Variants in GABRG3 observed in about 807,000 individuals in gnomAD.
GABRG3 encodes gamma-aminobutyric acid receptor subunit gamma-3.
A neutral mutation model predicts 48.8 loss-of-function variants in GABRG3; 25 were observed. The observed-to-expected ratio is 0.51, with a 90% CI of 0.37 to 0.72. GABRG3 has a LOEUF of 0.72. Ranked by LOEUF, GABRG3 falls within the 30% of genes least tolerant of loss-of-function variation. GABRG3 has a pLI of 0.00. For missense variants in GABRG3, 394 were observed against 577.9 expected (o/e 0.68, Z 3.26); for synonymous variants, 227 against 217.6 (o/e 1.04, Z -0.38).
At chr15:27,426,920 A>G (rs557353151) in intron 5 of GABRG3, among the ~76,000 whole-genome samples, 40 of 152,192 alleles carry the variant, frequency 2.6e-4, no homozygotes, top group Non-Finnish European at 5.3e-4. Flanking sequence ...TTTCAGTCCC[A>G]TAAATTTTCC....
chr15:27,479,534 C>T, intron 5 of GABRG3, among the ~76,000 whole-genome samples: 1 of 152,232 alleles, frequency 6.6e-6, no homozygotes, highest in Admixed American at 6.5e-5. Context: ...GGCAGATTGC[C>T]TCTAAGAATT....
intron 3 of GABRG3, among the ~76,000 whole-genome samples, chr15:27,228,565 C>G (rs995257059): frequency 3.3e-5 from 5 of 152,176 alleles, no homozygotes; most frequent in African/African-American, 1.2e-4. Flanking sequence ...ATTTATATTC[C>G]TCTGGGTATA....
At chr15:27,125,453 G>C (rs925931729) in intron 3 of GABRG3, among the ~76,000 whole-genome samples, 1 of 152,154 alleles carries the variant, frequency 6.6e-6, no homozygotes, top group Admixed American at 6.5e-5. Context: ...GTAATTTATT[G>C]CATATTTTCA....
intron 2 of GABRG3, among the ~76,000 whole-genome samples, chr15:27,009,574 C>T (rs1328659003): frequency 6.6e-6 from 1 of 152,200 alleles, no homozygotes; most frequent in South Asian, 2.1e-4. Context: ...ACTTAGTGAG[C>T]CTACTGCTAA....
intron 3 of GABRG3, among the ~76,000 whole-genome samples, chr15:27,207,538 C>G (rs540399789): frequency 6.6e-6 from 1 of 152,160 alleles, no homozygotes; most frequent in Non-Finnish European, 1.5e-5. Context: ...AAAATACAGC[C>G]TCTAGTGGAA....
chr15:27,400,549 A>G (rs1255306866), intron 5 of GABRG3, among the ~76,000 whole-genome samples: 1 of 152,206 alleles, frequency 6.6e-6, no homozygotes, highest in Non-Finnish European at 1.5e-5. Flanking sequence ...GTTTTAAATG[A>G]TATTTAAGAA....
intron 3 of GABRG3, among the ~76,000 whole-genome samples, chr15:27,078,032 CACAG>C (rs1203454949): frequency 6.6e-6 from 1 of 152,230 alleles, no homozygotes; most frequent in Non-Finnish European, 1.5e-5. Flanking sequence ...TGGCTGGACA[CACAG>C]ACGGGGCTTT....
At chr15:27,404,930 A>C (rs945359219) in intron 5 of GABRG3, among the ~76,000 whole-genome samples, 1 of 152,182 alleles carries the variant, frequency 6.6e-6, no homozygotes. Context: ...AGATTCTTAC[A>C]CTGGTATGTC....
Position 27,319,040 on chromosome 15 carries a change from G to T in GABRG3, c.271-7769G>T, listed in dbSNP as rs1893330555. Among the ~76,000 whole-genome samples, 1 of 152,040 alleles carries T rather than the reference G, an allele frequency of 6.6e-6. No individual in the cohort carries two copies. The highest frequency in any genetic ancestry group is 2.1e-4 in the South Asian group (1 of 4,826). The stretch of plus-strand genomic sequence containing the variant: ...TTGTATACTTGTAACTGGCTAAGAG[G>T]GTAGATCATAAATGTTCTCACCACC... On this transcript the variant is annotated intron_variant, in intron 3 of 9. Coordinates refer to ENST00000615808, the MANE Select transcript of GABRG3 (RefSeq NM_033223.5). This position sits in a 1 kb window ranked among gnomAD's most constrained non-coding sequence, Gnocchi z 4.4.
intron 3 of GABRG3, among the ~76,000 whole-genome samples, chr15:27,054,596 T>G (rs1275660325): frequency 6.6e-6 from 1 of 152,162 alleles, no homozygotes; most frequent in African/African-American, 2.4e-5. Flanking sequence ...ATCCGTTTAT[T>G]TTGTGGTGCC....
At chr15:27,435,157 G>T (rs368699948) in intron 5 of GABRG3, among the ~76,000 whole-genome samples, 11 of 150,628 alleles carry the variant, frequency 7.3e-5, no homozygotes, top group African/African-American at 2.7e-4. Context: ...CTATATAACA[G>T]ATCAGTGTCC....
At chr15:27,500,957 T>TTG (rs1890610804) in intron 6 of GABRG3, among the ~76,000 whole-genome samples, 1 of 148,060 alleles carries the variant, frequency 6.8e-6, no homozygotes. Flanking sequence ...CGTATGTTTT[T>TTG]TTTTTTTTTT....
intron 3 of GABRG3, among the ~76,000 whole-genome samples, chr15:27,290,990 A>C (rs1891776732): frequency 6.6e-6 from 1 of 152,244 alleles, no homozygotes; most frequent in Admixed American, 6.5e-5. Flanking sequence ...TTTAATATTA[A>C]GAAAATAAAT....
chr15:27,263,471 T>C (rs1890823833), intron 3 of GABRG3, among the ~76,000 whole-genome samples: 1 of 152,066 alleles, frequency 6.6e-6, no homozygotes, highest in African/African-American at 2.4e-5. Context: ...GTCAAACACT[T>C]TCTCAAACAA....
At chr15:27,083,778 T>G (rs891298123) in intron 3 of GABRG3, among the ~76,000 whole-genome samples, 51 of 152,226 alleles carry the variant, frequency 3.4e-4, no homozygotes, top group Admixed American at 2.0e-4. Context: ...CCATCTGCAG[T>G]ATGTGTTCAC....
At chr15:27,426,278 G>A (rs999057390) in intron 5 of GABRG3, among the ~76,000 whole-genome samples, 48 of 152,242 alleles carry the variant, frequency 3.2e-4, no homozygotes, top group African/African-American at 9.4e-4. Context: ...AGCAGGCCTC[G>A]TTTTGTTAAG....
chr15:27,404,637 C>G (rs1054217886), intron 5 of GABRG3, among the ~76,000 whole-genome samples: 1 of 152,112 alleles, frequency 6.6e-6, no homozygotes, highest in African/African-American at 2.4e-5. Context: ...TAGCAGTGGG[C>G]GTTCTCTACT....
At chr15:27,024,653 C>T (rs1895952687) in intron 2 of GABRG3, among the ~76,000 whole-genome samples, 1 of 152,148 alleles carries the variant, frequency 6.6e-6, no homozygotes, top group African/African-American at 2.4e-5. Flanking sequence ...CTTCAGCTGC[C>T]TGTGGCCAAT....
Position 27,533,425 on chromosome 15 carries a change from A to G in GABRG3, c.*544A>G, listed in dbSNP as rs1709280362. ...CTGTGGCCTCTCTGGCTCCAGCACCATCATCGTTAGCTGGCACTCCTTTAC... is the reference window on the plus strand; with the variant it reads ...CTGTGGCCTCTCTGGCTCCAGCACCGTCATCGTTAGCTGGCACTCCTTTAC... On this transcript the variant is annotated 3_prime_UTR_variant, in exon 10 of 10. Transcript: ENST00000615808. 2 of 153,760 alleles carry G rather than the reference A, an allele frequency of 1.3e-5. No individual in the cohort carries two copies. The highest frequency in any genetic ancestry group is 2.9e-5 in the Non-Finnish European group (2 of 69,288). The allele number at this position is 153,760 out of a possible 1,614,324, so 9.5% of individuals were successfully genotyped here.
Sources: gnomAD v4.1 joint callset for allele counts (sites outside exome capture counted in the v4.1 genomes callset) on GRCh38, gnomAD v4.1.1 for gene constraint, Gnocchi (gnomAD v3.1) non-coding constraint, MANE v1.5 for transcripts, NCBI Gene and HGNC (gene_info 2026-07-23, HGNC 2026-07-21) for gene names.